The following ULK2 variants were observed in gnomAD, a reference collection of about 807,000 sequenced individuals.
ULK2 encodes serine/threonine-protein kinase ULK2.
Under a neutral mutation model 127.5 loss-of-function variants are expected in ULK2, and 76 were observed. That is an observed-to-expected ratio of 0.60 (90% CI 0.50 to 0.72). ULK2 has a LOEUF of 0.72. Among genes scored for constraint, ULK2 ranks in the 30% least tolerant of loss-of-function variants. The pLI, the probability that ULK2 is intolerant of heterozygous loss-of-function variation, is 0.00. For missense variants in ULK2, 1,144 were observed against 1,295.9 expected (o/e 0.88, Z 1.80); for synonymous variants, 452 against 461.9 (o/e 0.98, Z 0.28).
chr17:19,808,748 T>C (rs1302564872), intron 14 of ULK2, among the ~76,000 whole-genome samples: 3 of 152,152 alleles, frequency 2.0e-5, no homozygotes, highest in Non-Finnish European at 4.4e-5. Context: ...ACTCATTAAT[T>C]AGGATGGCTG....
rs1046369992 is a variant in ULK2 at position 19,771,160 on chromosome 17, G to A, written c.*5189C>T. ...GTGTGGGGCTCCTGTGGGGAGATGG[G>A]TACTCCTGTACCCAGTGTGGCCTCC... On this transcript the variant is annotated 3_prime_UTR_variant, in exon 27 of 27. Transcript: ENST00000395544. The A allele has an allele frequency of 6.6e-6, 1 of 152,172 alleles. No homozygotes were observed. Among genetic ancestry groups the A allele is most frequent in the Admixed American group, 6.5e-5 (1 of 15,278 alleles). 9.4% of individuals were successfully genotyped at this position (152,172 alleles called of 1,614,324 possible). A position where few individuals can be genotyped will look rare whatever the true frequency, so the allele number is the denominator to read the frequency against.
chr17:19,862,250 C>T (rs931114774), intron 3 of ULK2, among the ~76,000 whole-genome samples: 5 of 151,942 alleles, frequency 3.3e-5, no homozygotes, highest in Admixed American at 6.6e-5. Flanking sequence ...GCACCTGCCA[C>T]CACACCCAGC....
At chr17:19,845,470 A>G in intron 6 of ULK2, 93 bp from the exon 7 acceptor site, 1 of 951,404 alleles carries the variant, frequency 1.1e-6, no homozygotes, top group Non-Finnish European at 1.7e-6. Context: ...AGAAGGCACA[A>G]AGGACTGTGA....
At chr17:19,839,999 C>G (rs1040003394) in intron 9 of ULK2, 17 of 290,712 alleles carry the variant, frequency 5.8e-5, no homozygotes, top group African/African-American at 3.8e-4. Flanking sequence ...TTCACTAGAG[C>G]CTGTTTGCAG....
intron 12 of ULK2, among the ~76,000 whole-genome samples, chr17:19,818,274 G>C (rs2041045472): frequency 6.7e-6 from 1 of 148,968 alleles, no homozygotes; most frequent in African/African-American, 2.5e-5. Context: ...AGTGAGCCAA[G>C]ACTGCGCCAC....
chr17:19,787,149 C>T (rs546300706), intron 20 of ULK2, among the ~76,000 whole-genome samples: 1 of 152,140 alleles, frequency 6.6e-6, no homozygotes, highest in Admixed American at 6.5e-5. Context: ...CCACCACGCC[C>T]AGCTAATTTT....
chr17:19,842,293 G>A (rs1171085652), intron 8 of ULK2, among the ~76,000 whole-genome samples: 2 of 149,808 alleles, frequency 1.3e-5, no homozygotes, highest in Admixed American at 1.3e-4. Context: ...CGCCTCCCAG[G>A]TTCAAGCGAT....
intron 10 of ULK2, among the ~76,000 whole-genome samples, chr17:19,829,176 G>T (rs2041368717): frequency 6.6e-6 from 1 of 152,172 alleles, no homozygotes; most frequent in South Asian, 2.1e-4. Flanking sequence ...AAGCAAAAGA[G>T]AAGGGCAAAG....
At position 19,771,981 on chromosome 17, in the gene ULK2, T is replaced by G. The variant is rs970903663; in HGVS notation, c.*4368A>C. 6.6e-6 allele frequency: 1 copy of G among 152,274 alleles called. No homozygotes were observed. The highest frequency in any genetic ancestry group is 1.5e-5 in the Non-Finnish European group (1 of 68,108). The allele number at this position is 152,274 out of a possible 1,614,324, so 9.4% of individuals were successfully genotyped here. A position where few individuals can be genotyped will look rare whatever the true frequency, so the allele number is the denominator to read the frequency against. Reference sequence around the variant, plus strand: ...AGTGCAGACCTAAAGAGAGCCACACTCTGTGAAAAGTGGAAAAACCTACAG... The same window carrying G: ...AGTGCAGACCTAAAGAGAGCCACACGCTGTGAAAAGTGGAAAAACCTACAG... On this transcript the variant is annotated 3_prime_UTR_variant, in exon 27 of 27. Transcript: ENST00000395544.
intron 12 of ULK2, among the ~76,000 whole-genome samples, chr17:19,818,216 G>C (rs758663725): frequency 6.6e-6 from 1 of 151,978 alleles, no homozygotes; most frequent in Non-Finnish European, 1.5e-5. Flanking sequence ...CCAGCTACTC[G>C]GGGGGTTGAG....
In ULK2 at chr17:19,810,481, G is replaced by A. The variant is rs1216929435; in HGVS notation, c.1097-43C>T. The A allele has an allele frequency of 5.2e-6, 7 of 1,335,940 alleles. No homozygotes were observed. In the Admixed American group the frequency reaches 6.9e-5, roughly 13 times the overall value. The allele number at this position is 1,335,940 out of a possible 1,614,324, so 82.8% of individuals were successfully genotyped here. Reference sequence around the variant, plus strand: ...ACAATCAGTTCCTGTTATACCATCTGCTTAAAAAAACACAAATTTGTTCCA... The same window carrying A: ...ACAATCAGTTCCTGTTATACCATCTACTTAAAAAAACACAAATTTGTTCCA... On this transcript the variant is annotated intron_variant, in intron 13 of 26. Transcript: ENST00000395544.
intron 3 of ULK2, chr17:19,855,646 C>T (rs2152401127): frequency 6.6e-6 from 1 of 151,690 alleles, no homozygotes; most frequent in Admixed American, 6.6e-5. Flanking sequence ...AGTAAGACCC[C>T]CCCACAAAAA....
At chr17:19,814,444 T>A (rs12451530) in intron 13 of ULK2, among the ~76,000 whole-genome samples, 379 of 16,836 alleles carry the variant, frequency 0.023, 11 homozygotes, top group African/African-American at 0.078. Context: ...ATATATTTTT[T>A]TTTTTTTTTT....
intron 11 of ULK2, 146 bp downstream of exon 11, chr17:19,825,993 A>T (rs7214485): frequency 6.9e-5 from 8 of 116,786 alleles, no homozygotes; most frequent in East Asian, 6.8e-4. Flanking sequence ...TCTCAAAAAA[A>T]AAAAAAAAAA....
chr17:19,827,316 G>C (rs2041319972), intron 10 of ULK2, among the ~76,000 whole-genome samples: 1 of 152,122 alleles, frequency 6.6e-6, no homozygotes, highest in Admixed American at 6.5e-5. Context: ...GCACACAAAG[G>C]CCATGTTTCT....
intron 10 of ULK2, among the ~76,000 whole-genome samples, chr17:19,836,162 C>T (rs1182184013): frequency 6.7e-6 from 1 of 148,846 alleles, no homozygotes; most frequent in African/African-American, 2.5e-5. Flanking sequence ...TGTAATCCCA[C>T]CACTTTGGGA....
At chr17:19,863,261 G>A (rs1378403584) in intron 3 of ULK2, among the ~76,000 whole-genome samples, 1 of 151,822 alleles carries the variant, frequency 6.6e-6, no homozygotes, top group Admixed American at 6.6e-5. Context: ...TAATGCAAGT[G>A]AATACAGAAG....
At chr17:19,864,921 A>C (rs1236268066) in intron 2 of ULK2, 77 bp from the exon 3 acceptor site, 1 of 627,650 alleles carries the variant, frequency 1.6e-6, no homozygotes, top group Non-Finnish European at 2.4e-6. Flanking sequence ...AAATAAAATT[A>C]AAGTATACAC....
intron 1 of ULK2, 100 bp downstream of exon 1, chr17:19,867,228 G>T: frequency 2.2e-6 from 2 of 920,684 alleles, no homozygotes; most frequent in African/African-American, 1.8e-5. Flanking sequence ...CGGGCGGCTA[G>T]CCGAGTCGGG....
Sources: gnomAD v4.1 joint callset for allele counts (sites outside exome capture counted in the v4.1 genomes callset) on GRCh38, gnomAD v4.1.1 for gene constraint, MANE v1.5 for transcripts, NCBI Gene and HGNC (gene_info 2026-07-23, HGNC 2026-07-21) for gene names.